Variants in ATG4C observed in about 807,000 individuals in gnomAD.
ATG4C encodes the protein autophagy related 4C cysteine peptidase.
In ATG4C, 56 loss-of-function variants were observed where a neutral mutation model predicts 57.6. The ratio of observed to expected loss-of-function variants is 0.97; its 90% CI spans 0.78 to 1.21. The LOEUF is 1.21. Among genes scored for constraint, ATG4C ranks in the 50% most tolerant of loss-of-function variants. ATG4C has a pLI of 0.00. For missense variants in ATG4C, 595 were observed against 529.8 expected, an observed-to-expected ratio of 1.12 and a Z score of -1.21; for synonymous variants, 157 against 174.1, an observed-to-expected ratio of 0.90 and a Z score of 0.78.
At chr1:62,849,074 T>G (rs1389564947) in intron 10 of ATG4C, among the ~76,000 whole-genome samples, 1 of 152,226 alleles carries the variant, frequency 6.6e-6, no homozygotes, top group Non-Finnish European at 1.5e-5. Context: ...TGATTGTTTC[T>G]TGGTGAATGG....
intron 3 of ATG4C, among the ~76,000 whole-genome samples, chr1:62,805,688 A>T (rs1315987869): frequency 1.3e-5 from 2 of 152,170 alleles, no homozygotes; most frequent in African/African-American, 4.8e-5. Flanking sequence ...ATTTTCTTTT[A>T]ATAATTCATG....
intron 3 of ATG4C, among the ~76,000 whole-genome samples, chr1:62,809,614 T>A (rs899437588): frequency 1.4e-5 from 2 of 147,108 alleles, no homozygotes; most frequent in Non-Finnish European, 3.0e-5. Flanking sequence ...ATTATATATT[T>A]TATATATAAT....
intron 3 of ATG4C, among the ~76,000 whole-genome samples, chr1:62,806,561 T>G (rs1438339395): frequency 6.6e-6 from 1 of 151,906 alleles, no homozygotes. Context: ...AATCAAGCGA[T>G]GAAAAGTAAA....
At chr1:62,860,218 C>G (rs899707568) in intron 10 of ATG4C, among the ~76,000 whole-genome samples, 3 of 152,160 alleles carry the variant, frequency 2.0e-5, no homozygotes, top group Non-Finnish European at 4.4e-5. Flanking sequence ...GCTGTCATCT[C>G]CTATGATAAC....
At position 62,864,193 on chromosome 1, in the gene ATG4C, C is replaced by G; in HGVS notation, c.*34C>G. ...ACATTTGTGCTTGATAAGAAGAATT[C>G]CATTGAAAGGGGAAAAATGAAGAGA... On this transcript the variant is annotated 3_prime_UTR_variant, in exon 11 of 11. Coordinates refer to ENST00000317868, the MANE Select transcript of ATG4C (RefSeq NM_032852.4). The G allele has an allele frequency of 6.5e-7, 1 of 1,536,110 alleles. No individual in the cohort carries two copies. Among genetic ancestry groups the G allele is most frequent in the Non-Finnish European group, 8.7e-7 (1 of 1,144,128 alleles).
At chr1:62,863,843 A>C (rs946574379) in intron 10 of ATG4C, 149 bp from the exon 11 acceptor site, 5 of 506,852 alleles carry the variant, frequency 9.9e-6, no homozygotes, top group African/African-American at 2.0e-5. Context: ...TTTGTCTTTT[A>C]GCCAGAACAG....
intron 3 of ATG4C, among the ~76,000 whole-genome samples, chr1:62,815,579 C>A (rs1203716287): frequency 6.6e-6 from 1 of 152,212 alleles, no homozygotes; most frequent in Non-Finnish European, 1.5e-5. Context: ...GTATTTCCAT[C>A]TGGACCAGTG....
chr1:62,787,945 A>G (rs1235419301), intron 1 of ATG4C, among the ~76,000 whole-genome samples: 1 of 152,134 alleles, frequency 6.6e-6, no homozygotes, highest in Non-Finnish European at 1.5e-5. Flanking sequence ...ATAAAACTCA[A>G]TTTGAGAAAA....
At chr1:62,823,030 C>G (rs1257199191) in intron 6 of ATG4C, among the ~76,000 whole-genome samples, 3 of 152,126 alleles carry the variant, frequency 2.0e-5, no homozygotes, top group Admixed American at 1.3e-4. Context: ...TGGTGACATG[C>G]CTGTAGTCCC....
chr1:62,841,111 AC>A (rs1359684731), intron 9 of ATG4C, among the ~76,000 whole-genome samples: 5 of 152,216 alleles, frequency 3.3e-5, no homozygotes. Context: ...TAAGCCTCAT[AC>A]TTTTTTCATG....
At chr1:62,825,151 C>T (rs1360429473) in intron 6 of ATG4C, among the ~76,000 whole-genome samples, 10 of 151,278 alleles carry the variant, frequency 6.6e-5, no homozygotes, top group Non-Finnish European at 1.5e-5. Flanking sequence ...CAGGAGAATC[C>T]CTTGAACCTA....
At position 62,821,146 on chromosome 1, in the gene ATG4C, G is replaced by A; in HGVS notation, c.733G>A (p.Val245Ile). The A allele has an allele frequency of 6.3e-7, 1 of 1,599,142 alleles. No homozygotes were observed. Among genetic ancestry groups the A allele is most frequent in the Non-Finnish European group, 8.5e-7 (1 of 1,174,282 alleles). The change falls in exon 6 of 11, where the codon GTT becomes ATT. Residue 245 changes from valine to isoleucine, a missense_variant. By Grantham distance (29) the Val-to-Ile change is conservative. Coordinates refer to ENST00000317868, the MANE Select transcript of ATG4C (RefSeq NM_032852.4). Reference protein sequence around the residue: ...AVVAHILRKAVEEARHPDLQG... With the variant: ...AVVAHILRKAIEEARHPDLQG... ...TGCTTGTTATTTTCTCAGAAAAGCA[G>A]TTGAAGAAGCAAGGCATCCTGATTT...
At chr1:62,819,497 A>G (rs1665412647) in intron 5 of ATG4C, among the ~76,000 whole-genome samples, 162 bp downstream of exon 5, 2 of 152,170 alleles carry the variant, frequency 1.3e-5, no homozygotes, top group East Asian at 3.9e-4. Context: ...AAGAAGACAT[A>G]TTGCGACTCT....
chr1:62,798,011 G>A (rs1011519895), intron 1 of ATG4C, among the ~76,000 whole-genome samples: 4 of 152,018 alleles, frequency 2.6e-5, no homozygotes, highest in African/African-American at 2.4e-5. Flanking sequence ...TAGTAGAGAC[G>A]AGGTTTCACC....
At chr1:62,821,094 AG>A in intron 5 of ATG4C, 44 bp from the exon 6 acceptor site, 2 of 1,455,300 alleles carry the variant, frequency 1.4e-6, no homozygotes, top group South Asian at 2.5e-5. Flanking sequence ...AGTTGCCAAT[AG>A]GAAATGTTAG....
At chr1:62,823,268 A>G (rs1665541493) in intron 6 of ATG4C, among the ~76,000 whole-genome samples, 1 of 152,228 alleles carries the variant, frequency 6.6e-6, no homozygotes, top group Admixed American at 6.5e-5. Flanking sequence ...GCACGTTTAA[A>G]AGTACACTTA....
intron 3 of ATG4C, among the ~76,000 whole-genome samples, chr1:62,806,575 TAAAG>T (rs1451432262): frequency 9.9e-5 from 15 of 152,026 alleles, no homozygotes; most frequent in Admixed American, 9.8e-4. Context: ...AAGTAAATGA[TAAAG>T]AAGCTATGAA....
At chr1:62,839,663 G>A (rs1666107562) in intron 9 of ATG4C, among the ~76,000 whole-genome samples, 1 of 152,094 alleles carries the variant, frequency 6.6e-6, no homozygotes, top group Admixed American at 6.6e-5. Flanking sequence ...TGCTTTTCTA[G>A]TTCTGTTTTA....
chr1:62,820,940 G>T (rs933712725), intron 5 of ATG4C, among the ~76,000 whole-genome samples, 199 bp from the exon 6 acceptor site: 2 of 151,938 alleles, frequency 1.3e-5, no homozygotes, highest in Non-Finnish European at 2.9e-5. Flanking sequence ...TGTTCTTTGA[G>T]TAATTTAATG....
Sources: allele counts gnomAD v4.1 joint callset (sites outside exome capture counted in the v4.1 genomes callset), GRCh38; gene constraint gnomAD v4.1.1; transcripts MANE v1.5; gene names NCBI Gene and HGNC (gene_info 2026-07-23, HGNC 2026-07-21).